Variants in CCNYL1 observed in about 807,000 individuals in gnomAD.
CCNYL1 encodes the protein cyclin Y like 1.
A neutral mutation model predicts 44.2 loss-of-function variants in CCNYL1; 16 were observed. The ratio of observed to expected loss-of-function variants is 0.36; its 90% CI spans 0.25 to 0.55. The LOEUF (loss-of-function observed/expected upper bound fraction) is 0.55. Ranked by LOEUF, CCNYL1 falls within the 20% of genes least tolerant of loss-of-function variation. The pLI, the probability that CCNYL1 is intolerant of heterozygous loss-of-function variation, is 0.85. For missense variants in CCNYL1, 348 were observed against 451.8 expected, an observed-to-expected ratio of 0.77 and a Z score of 2.08; for synonymous variants, 159 against 163.2, an observed-to-expected ratio of 0.97 and a Z score of 0.20.
At chr2:207,714,435 C>T in intron 1 of CCNYL1, 1 of 390,418 alleles carries the variant, frequency 2.6e-6, no homozygotes, top group Non-Finnish European at 4.9e-6. Context: ...TAGCTGGGAC[C>T]ACGGGCGTGT....
At position 207,753,597 on chromosome 2, in the gene CCNYL1, A is replaced by G. The variant is rs1338387639; in HGVS notation, c.979A>G (p.Arg327Gly). The change falls in exon 10 of 10, where the codon AGA becomes GGA. Residue 327 changes from arginine (R) to glycine (G), a missense_variant. Physicochemically the swap from Arg to Gly is moderately radical, Grantham distance 125. Transcript: ENST00000295414. ...TGATTGACTTTCCTAGGCTATTTCT[A>G]GATTGTGTGAAGACAAAGACTTGTG... is the stretch of plus-strand genomic sequence containing the variant. ...ERAQNLEAIS[R>G]LCEDKDLCRA... 1 of 1,608,178 alleles carries G rather than the reference A, an allele frequency of 6.2e-7. No individual in the cohort carries two copies. The highest frequency in any genetic ancestry group is 1.1e-5 in the South Asian group (1 of 90,584).
intron 1 of CCNYL1, among the ~76,000 whole-genome samples, chr2:207,724,197 T>G (rs891111055): frequency 1.3e-5 from 2 of 152,214 alleles, no homozygotes; most frequent in East Asian, 3.8e-4. Context: ...GTTAATCATT[T>G]TCTAACATGT....
intron 7 of CCNYL1, among the ~76,000 whole-genome samples, chr2:207,745,941 C>G (rs1435726398): frequency 6.6e-6 from 1 of 152,204 alleles, no homozygotes; most frequent in African/African-American, 2.4e-5. Context: ...TGTCTTGATA[C>G]AGAGTTCAAA....
chr2:207,745,928 T>G (rs2091851905), intron 7 of CCNYL1, among the ~76,000 whole-genome samples: 2 of 152,220 alleles, frequency 1.3e-5, no homozygotes. Flanking sequence ...AAAGATTTCT[T>G]TTTGTCTTGA....
chr2:207,712,185 G>A, intron 1 of CCNYL1, 69 bp downstream of exon 1: 1 of 1,368,562 alleles, frequency 7.3e-7, no homozygotes, highest in Non-Finnish European at 9.9e-7. Context: ...AGAGTCCCCC[G>A]GGAGGCATCC....
chr2:207,719,614 C>T (rs893551053), intron 1 of CCNYL1, among the ~76,000 whole-genome samples: 10 of 152,042 alleles, frequency 6.6e-5, no homozygotes, highest in African/African-American at 1.7e-4. Context: ...AGCAATTGCT[C>T]TTGCATTTCA....
At chr2:207,737,627 C>G (rs1310124057) in intron 5 of CCNYL1, among the ~76,000 whole-genome samples, 181 bp downstream of exon 5, 1 of 151,644 alleles carries the variant, frequency 6.6e-6, no homozygotes, top group East Asian at 1.9e-4. Context: ...ACTGAGGATC[C>G]CAAAGAGTAT....
chr2:207,714,389 TG>T, intron 1 of CCNYL1: 1 of 418,820 alleles, frequency 2.4e-6, no homozygotes, highest in Admixed American at 2.9e-5. Flanking sequence ...ACTCCTGGCC[TG>T]GGCTCAAGCA....
Position 207,711,875 on chromosome 2 carries a change from CAG to C in CCNYL1, c.-17_-16del, listed in dbSNP as rs1370711439. The C allele has an allele frequency of 5.4e-5, 73 of 1,358,984 alleles. No homozygotes were observed. The highest frequency in any genetic ancestry group is 3.3e-5 in the Non-Finnish European group (35 of 1,049,696). 84.2% of individuals were successfully genotyped at this position (1,358,984 alleles called of 1,614,324 possible). A position where few individuals can be genotyped will look rare whatever the true frequency, so the allele number is the denominator to read the frequency against. On this transcript the variant is annotated 5_prime_UTR_variant, in exon 1 of 10. Transcript: ENST00000295414. ...AGTAGGGGGCGAGCGAAGGCGGTGGCAGAGAGGAGCGGAGGCTTCCCATGGGG... is the reference window on the plus strand; with the variant it reads ...AGTAGGGGGCGAGCGAAGGCGGTGGCAGAGGAGCGGAGGCTTCCCATGGGG...
At chr2:207,722,485 C>T (rs2091647996) in intron 1 of CCNYL1, among the ~76,000 whole-genome samples, 1 of 152,078 alleles carries the variant, frequency 6.6e-6, no homozygotes, top group East Asian at 1.9e-4. Flanking sequence ...GAAGCCTGCT[C>T]CTCTTTGATT....
chr2:207,711,922 T>A lies in CCNYL1; in HGVS notation c.26T>A (p.Val9Glu). The change falls in exon 1 of 10, where the codon GTG becomes GAG. Residue 9 changes from valine to glutamate, a missense_variant. Val to Glu is a moderately radical substitution (Grantham distance 121). Transcript: ENST00000295414. Reference protein sequence around the residue: MGNTLTCCVSPNASPKLGR... With the variant: MGNTLTCCESPNASPKLGR... ...ATGGGGAACACGCTGACCTGTTGCG[T>A]GTCCCCCAATGCCAGCCCCAAGCTG... The A allele has an allele frequency of 2.1e-6, 3 of 1,396,074 alleles. No homozygotes were observed. The highest frequency in any genetic ancestry group is 2.8e-6 in the Non-Finnish European group (3 of 1,072,518). The allele number at this position is 1,396,074 out of a possible 1,614,324, so 86.5% of individuals were successfully genotyped here.
chr2:207,738,168 G>A (rs1222372852), intron 5 of CCNYL1, among the ~76,000 whole-genome samples: 2 of 152,070 alleles, frequency 1.3e-5, no homozygotes, highest in Non-Finnish European at 2.9e-5. Context: ...TTGGTAAAAG[G>A]TATATTTTTA....
Position 207,712,029 on chromosome 2 carries a change from C to T in CCNYL1, c.133C>T (p.Pro45Ser). 2 of 1,511,140 alleles carry T rather than the reference C, an allele frequency of 1.3e-6. No homozygotes were observed. The highest frequency in any genetic ancestry group is 1.8e-6 in the Non-Finnish European group (2 of 1,129,522). The allele number at this position is 1,511,140 out of a possible 1,614,324, so 93.6% of individuals were successfully genotyped here. ...AVSGDAVAVA[P>S]AVVEPAELDF... is the part of the protein sequence containing the mutation. ...GTCCGGGGACGCGGTGGCGGTAGCG[C>T]CCGCTGTGGTGGAGCCTGCCGAGTT... Residue 45 changes from proline to serine, a missense_variant, in exon 1 of 10, where the codon CCC (proline) becomes TCC (serine). Pro to Ser is a moderately conservative substitution (Grantham distance 74, BLOSUM62 -1). Coordinates refer to ENST00000295414, the MANE Select transcript of CCNYL1 (RefSeq NM_001330218.2).
chr2:207,733,518 A>G (rs1206397580), intron 3 of CCNYL1, among the ~76,000 whole-genome samples: 1 of 152,222 alleles, frequency 6.6e-6, no homozygotes, highest in African/African-American at 2.4e-5. Flanking sequence ...AACTTAGTAA[A>G]TGTAGTATTA....
chr2:207,720,313 T>C (rs1369807433), intron 1 of CCNYL1, among the ~76,000 whole-genome samples: 1 of 152,122 alleles, frequency 6.6e-6, no homozygotes, highest in Admixed American at 6.5e-5. Flanking sequence ...TTTCCACCTT[T>C]TTTTCAGTTA....
At chr2:207,732,520 A>G (rs1400747434) in intron 3 of CCNYL1, among the ~76,000 whole-genome samples, 1 of 152,148 alleles carries the variant, frequency 6.6e-6, no homozygotes, top group African/African-American at 2.4e-5. Flanking sequence ...TATGTGTGGG[A>G]TACTGATGGG....
intron 1 of CCNYL1, among the ~76,000 whole-genome samples, chr2:207,724,484 G>C (rs1252971744): frequency 6.6e-6 from 1 of 152,114 alleles, no homozygotes; most frequent in East Asian, 1.9e-4. Context: ...AGGAGAGTGT[G>C]GTTATATTTC....
chr2:207,725,961 G>T (rs1398257920), intron 2 of CCNYL1, among the ~76,000 whole-genome samples: 1 of 152,186 alleles, frequency 6.6e-6, no homozygotes, highest in African/African-American at 2.4e-5. Context: ...AAGCAGGGGA[G>T]TTGTAAGCAG....
intron 5 of CCNYL1, among the ~76,000 whole-genome samples, chr2:207,738,362 A>G (rs541458759): frequency 2.6e-5 from 4 of 152,232 alleles, no homozygotes; most frequent in Non-Finnish European, 5.9e-5. Context: ...GTGGGGTTAC[A>G]GGCGCATGCC....
Sources: allele counts gnomAD v4.1 joint callset (sites outside exome capture counted in the v4.1 genomes callset), GRCh38; gene constraint gnomAD v4.1.1; transcripts MANE v1.5; gene names NCBI Gene and HGNC (gene_info 2026-07-23, HGNC 2026-07-21).